DRG1: variants seen among roughly 807,000 people sequenced by gnomAD.
DRG1 encodes developmentally regulated GTP binding protein 1, also known as developmentally-regulated GTP-binding protein 1.
Under a neutral mutation model 38.8 loss-of-function variants are expected in DRG1, and 19 were observed. The observed-to-expected ratio is 0.49, with a 90% CI of 0.34 to 0.72. The LOEUF (loss-of-function observed/expected upper bound fraction) is 0.72. Ranked by LOEUF, DRG1 falls within the 30% of genes least tolerant of loss-of-function variation. The pLI is 0.01. For missense variants in DRG1, 299 were observed against 444.8 expected (o/e 0.67, Z 2.95); for synonymous variants, 167 against 157.5 (o/e 1.06, Z -0.45).
At chr22:31,403,288 G>A (rs1049103580) in intron 3 of DRG1, 84 bp downstream of exon 3, 21 of 1,410,068 alleles carry the variant, frequency 1.5e-5, no homozygotes, top group Non-Finnish European at 2.0e-5. Context: ...CTGTATGCCA[G>A]GCCTGATCTT....
intron 5 of DRG1, among the ~76,000 whole-genome samples, chr22:31,422,254 A>G (rs2050081166): frequency 6.6e-6 from 1 of 152,138 alleles, no homozygotes; most frequent in African/African-American, 2.4e-5. Context: ...CAACATGGCA[A>G]AACCCTGTCT....
At position 31,399,626 on chromosome 22, in the gene DRG1, A is replaced by T. The variant is rs750836357; in HGVS notation, c.-58A>T. 2 of 1,611,322 alleles carry T rather than the reference A, an allele frequency of 1.2e-6. No homozygotes were observed. The highest frequency in any genetic ancestry group is 1.7e-6 in the Non-Finnish European group (2 of 1,177,480). ...TGCAGTAGCGCCTGGTGGCGGTGGC[A>T]GTTTGCCCGCGGGTGTGTGAAGGGA... On this transcript the variant is annotated 5_prime_UTR_variant, in exon 1 of 9. Coordinates refer to ENST00000331457, the MANE Select transcript of DRG1 (RefSeq NM_004147.4).
rs138589549 is a variant in DRG1, at chr22:31,423,207, A to G, written c.583-73A>G. On this transcript the variant is annotated intron_variant, in intron 5 of 8. Transcript: ENST00000331457. ...ATCTTAGCTAGAATTTTCCAGGTAC[A>G]TGGATATTGGTACACTTGACAAGTA... The G allele has an allele frequency of 3.2e-6, 5 of 1,577,512 alleles. No homozygotes were observed. The East Asian group carries it at 9.0e-5, about 28-fold the overall frequency.
intron 3 of DRG1, among the ~76,000 whole-genome samples, chr22:31,410,041 T>G (rs1490909478): frequency 6.6e-6 from 1 of 151,862 alleles, no homozygotes; most frequent in Non-Finnish European, 1.5e-5. Flanking sequence ...GGATTTTGGC[T>G]AGAAAACATG....
intron 4 of DRG1, among the ~76,000 whole-genome samples, chr22:31,419,486 G>A (rs1393882496): frequency 6.6e-6 from 1 of 151,778 alleles, no homozygotes; most frequent in East Asian, 1.9e-4. Flanking sequence ...CACTGTGCTA[G>A]GCCAAAATAA....
chr22:31,427,652 A>G (rs1173461632), intron 8 of DRG1, among the ~76,000 whole-genome samples: 1 of 152,140 alleles, frequency 6.6e-6, no homozygotes, highest in East Asian at 1.9e-4. Flanking sequence ...TGGAGCCTCA[A>G]TCTTCTGGGC....
rs764349114 is a variant in DRG1 at position 31,426,789 on chromosome 22, C to A, written c.881+7C>A. 6.8e-6 allele frequency: 11 copies of A among 1,613,252 alleles called. No homozygotes were observed. Among genetic ancestry groups the A allele is most frequent in the Non-Finnish European group, 8.5e-7 (1 of 1,179,634 alleles). On this transcript the variant is annotated splice_region_variant and intron_variant, in intron 7 of 8. Transcript: ENST00000331457. Reference sequence around the variant, plus strand: ...ATCTGAAACTAGTGAGAATGTAAGTCTTTGTGGATAGGGTAATGTTGCTAT... The same window carrying A: ...ATCTGAAACTAGTGAGAATGTAAGTATTTGTGGATAGGGTAATGTTGCTAT...
chr22:31,426,635 A>G lies in DRG1; in HGVS notation c.734A>G (p.Tyr245Cys), dbSNP rs1486531697. ...TGTAGAGTTTATATCCCCTGTATCT[A>G]TGTGTTAAATAAGATTGACCAAATC... ...EGNRVYIPCI[Y>C]VLNKIDQISI... is the part of the protein sequence containing the mutation. Residue 245 changes from tyrosine to cysteine, a missense_variant, in exon 7 of 9, where the codon TAT (tyrosine) becomes TGT (cysteine). Tyr to Cys is a radical substitution (Grantham distance 194). This residue lies in a region of DRG1 where 198 missense variants were observed against 268.1 expected (regional missense o/e 0.74). Transcript: ENST00000331457. 4 of 1,613,368 alleles carry G rather than the reference A, an allele frequency of 2.5e-6. No individual in the cohort carries two copies. The highest frequency in any genetic ancestry group is 3.3e-5 in the Admixed American group (2 of 59,824).
chr22:31,434,084 G>C lies in DRG1; in HGVS notation c.*113G>C. On this transcript the variant is annotated 3_prime_UTR_variant, in exon 9 of 9. Coordinates refer to ENST00000331457, the MANE Select transcript of DRG1 (RefSeq NM_004147.4). ...AGTCACTGGATCAGGATCCAGGGGAGGGAGATGGAGGCACCCAAACTGGAA... is the reference window on the plus strand; with the variant it reads ...AGTCACTGGATCAGGATCCAGGGGACGGAGATGGAGGCACCCAAACTGGAA... 1 of 919,064 alleles carries C rather than the reference G, an allele frequency of 1.1e-6. No individual in the cohort carries two copies. Among genetic ancestry groups the C allele is most frequent in the East Asian group, 2.6e-5 (1 of 37,860 alleles). 56.9% of individuals were successfully genotyped at this position (919,064 alleles called of 1,614,324 possible). A position where few individuals can be genotyped will look rare whatever the true frequency, so the allele number is the denominator to read the frequency against.
At position 31,403,039 on chromosome 22, in the gene DRG1, G is replaced by C; in HGVS notation, c.177G>C (p.Val59=). The change falls in exon 3 of 9, where the codon GTG becomes GTC. Residue 59 remains valine, a synonymous_variant. Transcript: ENST00000331457. The part of the protein sequence containing the change: ...GGGGPGEGFD[V]AKTGDARIGF... Reference sequence around the variant, plus strand: ...TCATTGATGTTTTAGGTTTTGATGTGGCCAAGACAGGTGATGCTCGAATTG... The same window carrying C: ...TCATTGATGTTTTAGGTTTTGATGTCGCCAAGACAGGTGATGCTCGAATTG... 1 of 1,611,778 alleles carries C rather than the reference G, an allele frequency of 6.2e-7. No individual in the cohort carries two copies. The highest frequency in any genetic ancestry group is 1.3e-5 in the African/African-American group (1 of 74,944).
chr22:31,433,774 G>A, intron 8 of DRG1, 98 bp from the exon 9 acceptor site: 2 of 1,007,892 alleles, frequency 2.0e-6, no homozygotes, highest in Non-Finnish European at 1.5e-6. Flanking sequence ...GTTCTTAAGG[G>A]TATGATACTA....
chr22:31,411,165 G>A (rs1264506672), intron 4 of DRG1, 84 bp downstream of exon 4: 2 of 1,444,568 alleles, frequency 1.4e-6, no homozygotes, highest in African/African-American at 1.4e-5. Context: ...TTGGCTTGGA[G>A]ATTATACCAC....
Position 31,411,007 on chromosome 22 carries a change from T to G in DRG1, c.343-5T>G. ...CATCCTCTTCCCCCATTCTTAATCT[T>G]GCAGCTCCTGGATCTCCCAGGTATC... On this transcript the variant is annotated splice_polypyrimidine_tract_variant and splice_region_variant and intron_variant, in intron 3 of 8. Transcript: ENST00000331457. 6.2e-7 allele frequency: 1 copy of G among 1,613,762 alleles called. No homozygotes were observed. Among genetic ancestry groups the G allele is most frequent in the Non-Finnish European group, 8.5e-7 (1 of 1,179,760 alleles).
intron 1 of DRG1, among the ~76,000 whole-genome samples, chr22:31,400,334 T>G (rs2049954141): frequency 6.6e-6 from 1 of 151,946 alleles, no homozygotes; most frequent in African/African-American, 2.4e-5. Context: ...CAGTGTTAGA[T>G]GGATCCAAAC....
Position 31,424,810 on chromosome 22 carries a change from C to T in DRG1, c.713+1400C>T, listed in dbSNP as rs1171701609. Among the ~76,000 whole-genome samples, 11 of 57,058 alleles carry T rather than the reference C, an allele frequency of 1.9e-4. 1 individual carries two copies. The highest frequency in any genetic ancestry group is 1.0e-3 in the African/African-American group (9 of 8,994). The allele number at this position is 57,058 out of a possible 152,430, so 37.4% of individuals were successfully genotyped here. The stretch of plus-strand genomic sequence containing the variant: ...CTGTGCCCGGCACCCGCCCCCCCCC[C>T]CTTTTTTTTTTTTTTGGAGTCTTGC... On this transcript the variant is annotated intron_variant, in intron 6 of 8. Transcript: ENST00000331457.
chr22:31,423,868 T>C (rs1180733388), intron 6 of DRG1, among the ~76,000 whole-genome samples: 7 of 147,834 alleles, frequency 4.7e-5, no homozygotes, highest in Non-Finnish European at 9.0e-5. Context: ...GGTTTCTTTT[T>C]TTTTTTTTTT....
At chr22:31,417,072 A>AAT (rs1555898700) in intron 4 of DRG1, among the ~76,000 whole-genome samples, 22 of 150,692 alleles carry the variant, frequency 1.5e-4, no homozygotes, top group African/African-American at 2.9e-4. Flanking sequence ...TCAAAAAAAA[A>AAT]AATAATAATA....
At chr22:31,428,143 T>C (rs1283050598) in intron 8 of DRG1, among the ~76,000 whole-genome samples, 1 of 152,124 alleles carries the variant, frequency 6.6e-6, no homozygotes, top group Non-Finnish European at 1.5e-5. Context: ...TGAGCCACTA[T>C]GCCCAGCATA....
At chr22:31,417,571 T>A (rs943268732) in intron 4 of DRG1, among the ~76,000 whole-genome samples, 2 of 151,286 alleles carry the variant, frequency 1.3e-5, no homozygotes, top group Admixed American at 6.6e-5. Context: ...TCCCAGCTAC[T>A]TGGGAGGCTG....
Sources: gnomAD v4.1 joint callset for allele counts (sites outside exome capture counted in the v4.1 genomes callset) on GRCh38, gnomAD v4.1.1 for gene constraint, gnomAD v4.1.1 regional missense constraint, MANE v1.5 for transcripts, NCBI Gene and HGNC (gene_info 2026-07-23, HGNC 2026-07-21) for gene names.